DNM3: variants seen among roughly 807,000 people sequenced by gnomAD.
DNM3 encodes dynamin-3.
In DNM3, 47 loss-of-function variants were observed where a neutral mutation model predicts 101.6. The ratio of observed to expected loss-of-function variants is 0.46; its 90% CI spans 0.37 to 0.59. DNM3 has a LOEUF of 0.59. Among genes scored for constraint, DNM3 ranks in the 20% least tolerant of loss-of-function variants. The pLI, the probability that DNM3 is intolerant of heterozygous loss-of-function variation, is 0.00. For synonymous variants in DNM3, 385 were observed against 387.9 expected, an observed-to-expected ratio of 0.99 and a Z score of 0.09; for missense variants, 849 against 1,085.7, an observed-to-expected ratio of 0.78 and a Z score of 3.06.
chr1:171,917,979 A>G (rs1413775500), intron 1 of DNM3, among the ~76,000 whole-genome samples: 1 of 152,192 alleles, frequency 6.6e-6, no homozygotes, highest in African/African-American at 2.4e-5. Flanking sequence ...GAACTATTCA[A>G]TATTGTTCGT....
In DNM3 at chr1:172,222,395, GA is replaced by G. The variant is rs536958056; in HGVS notation, c.1660-31177del. On this transcript the variant is annotated intron_variant, in intron 14 of 20. Coordinates refer to ENST00000627582, the MANE Select transcript of DNM3 (RefSeq NM_015569.5). Reference sequence around the variant, plus strand: ...ACTTGGAACACTGGTTAAAAACACAGATCCCCTGGGGCTTTGCCCCTGGAAA... The same window carrying G: ...ACTTGGAACACTGGTTAAAAACACAGTCCCCTGGGGCTTTGCCCCTGGAAA... Among the ~76,000 whole-genome samples the G allele has an allele frequency of 9.9e-5, 15 of 152,274 alleles. 1 individual carries two copies. Among genetic ancestry groups the G allele is most frequent in the Admixed American group, 9.8e-4 (15 of 15,280 alleles).
chr1:172,233,475 A>G (rs559693538), intron 14 of DNM3, among the ~76,000 whole-genome samples: 18 of 152,110 alleles, frequency 1.2e-4, no homozygotes, highest in African/African-American at 3.4e-4. Context: ...GGAGGAACTG[A>G]TACCATTCCT....
chr1:172,292,756 A>G (rs929749452), intron 15 of DNM3, among the ~76,000 whole-genome samples: 1 of 152,240 alleles, frequency 6.6e-6, no homozygotes, highest in African/African-American at 2.4e-5. Flanking sequence ...TCATGGTTTC[A>G]TAAATTATAC....
At chr1:171,956,352 A>C (rs1336570276) in intron 2 of DNM3, among the ~76,000 whole-genome samples, 2 of 152,192 alleles carry the variant, frequency 1.3e-5, no homozygotes, top group Non-Finnish European at 2.9e-5. Context: ...TGACCAAAAC[A>C]AGGGGATAAA....
At chr1:172,149,907 T>A (rs190015549) in intron 14 of DNM3, among the ~76,000 whole-genome samples, 2 of 152,214 alleles carry the variant, frequency 1.3e-5, no homozygotes, top group East Asian at 3.9e-4. Flanking sequence ...GAAGCATGTG[T>A]GTGAAGGGAA....
intron 14 of DNM3, among the ~76,000 whole-genome samples, chr1:172,215,867 G>A (rs1373336300): frequency 6.6e-6 from 1 of 151,478 alleles, no homozygotes; most frequent in African/African-American, 2.4e-5. Flanking sequence ...AGCAGATTTG[G>A]CTCTTATAAA....
intron 16 of DNM3, among the ~76,000 whole-genome samples, chr1:172,315,437 T>G (rs2065290419): frequency 6.6e-6 from 1 of 152,090 alleles, no homozygotes; most frequent in Admixed American, 6.5e-5. Flanking sequence ...ATCAAACTAC[T>G]CCGAGCTACA....
rs1053749305 is a variant in DNM3 at position 172,408,770 on chromosome 1, G to C, written c.*929G>C. 1.0e-6 allele frequency: 1 copy of C among 984,944 alleles called. No individual in the cohort carries two copies. The highest frequency in any genetic ancestry group is 1.2e-6 in the Non-Finnish European group (1 of 829,770). The allele number at this position is 984,944 out of a possible 1,614,324, so 61.0% of individuals were successfully genotyped here. A position where few individuals can be genotyped will look rare whatever the true frequency, so the allele number is the denominator to read the frequency against. ...GTTGGAAAAAAAATTCACTCTTTAC[G>C]TGCTAATTTGTAATCTTGTTTTGTA... On this transcript the variant is annotated 3_prime_UTR_variant, in exon 21 of 21. Coordinates refer to ENST00000627582, the MANE Select transcript of DNM3 (RefSeq NM_015569.5).
At chr1:172,392,469 C>A (rs980310508) in intron 20 of DNM3, among the ~76,000 whole-genome samples, 26 of 152,302 alleles carry the variant, frequency 1.7e-4, no homozygotes, top group African/African-American at 6.3e-4. Context: ...GACATCACCA[C>A]CTCTTTAGGG....
intron 4 of DNM3, among the ~76,000 whole-genome samples, chr1:171,993,712 A>G (rs2045803686): frequency 6.6e-6 from 1 of 151,826 alleles, no homozygotes; most frequent in Admixed American, 6.6e-5. Context: ...CATTATGTGT[A>G]TGTTGGTATG....
chr1:171,957,766 C>T (rs2125485982), intron 2 of DNM3, among the ~76,000 whole-genome samples: 2 of 152,262 alleles, frequency 1.3e-5, no homozygotes, highest in Middle Eastern at 3.4e-3. Flanking sequence ...AGTTCCTCAC[C>T]TCCATCTGAG....
intron 20 of DNM3, among the ~76,000 whole-genome samples, chr1:172,391,372 A>C (rs1220520591): frequency 6.6e-6 from 1 of 152,100 alleles, no homozygotes; most frequent in East Asian, 1.9e-4. Flanking sequence ...GAGGGCAAGA[A>C]AGACTCTGTC....
chr1:171,841,859 G>T, intron 1 of DNM3, 42 bp downstream of exon 1: 2 of 1,574,172 alleles, frequency 1.3e-6, no homozygotes, highest in Non-Finnish European at 1.7e-6. Flanking sequence ...GCAGTGGGGC[G>T]ACCCCGCTGC....
At chr1:172,363,083 T>C (rs1269775579) in intron 17 of DNM3, among the ~76,000 whole-genome samples, 1 of 151,888 alleles carries the variant, frequency 6.6e-6, no homozygotes, top group Admixed American at 6.6e-5. Context: ...ATTCCATTAT[T>C]TATTCTTCCA....
intron 5 of DNM3, 49 bp from the exon 6 acceptor site, chr1:172,033,056 T>G: frequency 6.3e-7 from 1 of 1,588,090 alleles, no homozygotes; most frequent in Non-Finnish European, 8.6e-7. Context: ...CTCCCTAGAA[T>G]AAGCCACAAA....
At chr1:172,311,776 AAC>A (rs751748410) in intron 16 of DNM3, among the ~76,000 whole-genome samples, 30 of 152,214 alleles carry the variant, frequency 2.0e-4, no homozygotes, top group Admixed American at 1.3e-4. Flanking sequence ...CAAATCTCAC[AAC>A]ACAATCTGTT....
chr1:172,212,237 T>C (rs17277295), intron 14 of DNM3, among the ~76,000 whole-genome samples: 13,504 of 152,198 alleles, frequency 0.089, 751 homozygotes, highest in Middle Eastern at 0.14. Context: ...TTCTTGATTT[T>C]GTAGCAGTTT....
intron 1 of DNM3, among the ~76,000 whole-genome samples, chr1:171,865,820 C>T (rs531083961): frequency 3.3e-5 from 5 of 152,274 alleles, no homozygotes; most frequent in Admixed American, 6.5e-5. Context: ...TGTGATCTCA[C>T]TTCTCATCAG....
chr1:172,194,635 G>T (rs965929103), intron 14 of DNM3, among the ~76,000 whole-genome samples: 1 of 151,882 alleles, frequency 6.6e-6, no homozygotes, highest in Non-Finnish European at 1.5e-5. Flanking sequence ...TGTCTCTTTC[G>T]ATCTTTGTTG....
Sources: allele counts gnomAD v4.1 joint callset (sites outside exome capture counted in the v4.1 genomes callset), GRCh38; gene constraint gnomAD v4.1.1; transcripts MANE v1.5; gene names NCBI Gene and HGNC (gene_info 2026-07-23, HGNC 2026-07-21).